SPATA17: variants seen among roughly 807,000 people sequenced by gnomAD.
SPATA17 encodes spermatogenesis-associated protein 17.
Under a neutral mutation model 62.2 loss-of-function variants are expected in SPATA17, and 53 were observed. The ratio of observed to expected loss-of-function variants is 0.85; its 90% CI spans 0.68 to 1.07. The LOEUF (loss-of-function observed/expected upper bound fraction) is 1.07. Among genes scored for constraint, SPATA17 ranks in the 50% least tolerant of loss-of-function variants. The probability of loss-of-function intolerance (pLI) is 0.00; values close to 1 mark genes in which losing one functional copy is unlikely to be tolerated. For missense variants in SPATA17, 466 were observed against 425.5 expected (o/e 1.10, Z -0.84); for synonymous variants, 146 against 146.8 (o/e 0.99, Z 0.04).
At chr1:217,821,352 G>A (rs1357040269) in intron 9 of SPATA17, among the ~76,000 whole-genome samples, 1 of 152,078 alleles carries the variant, frequency 6.6e-6, no homozygotes, top group Non-Finnish European at 1.5e-5. Context: ...TGTAAAGGAG[G>A]CAGGTAAATG....
At chr1:217,732,777 A>G (rs958581301) in intron 5 of SPATA17, among the ~76,000 whole-genome samples, 3 of 148,452 alleles carry the variant, frequency 2.0e-5, no homozygotes, top group Non-Finnish European at 4.5e-5. Flanking sequence ...ATCTGAAAGC[A>G]TTTGGAGCCC....
chr1:217,654,162 A>T (rs1670382515), intron 3 of SPATA17, among the ~76,000 whole-genome samples: 1 of 150,362 alleles, frequency 6.7e-6, no homozygotes, highest in Non-Finnish European at 1.5e-5. Flanking sequence ...TTTGGAGACA[A>T]AGTCTTGCTC....
chr1:217,780,378 C>T (rs375711789), intron 7 of SPATA17, among the ~76,000 whole-genome samples: 73 of 152,216 alleles, frequency 4.8e-4, no homozygotes, highest in African/African-American at 1.6e-3. Context: ...GGGGCATGGA[C>T]ATGACTGCAC....
chr1:217,737,188 G>A (rs1672528808), intron 5 of SPATA17, among the ~76,000 whole-genome samples: 1 of 152,150 alleles, frequency 6.6e-6, no homozygotes. Context: ...TTTAATCTCT[G>A]TGAGTATCAT....
chr1:217,753,684 A>G (rs1318055736), intron 6 of SPATA17, among the ~76,000 whole-genome samples: 1 of 151,968 alleles, frequency 6.6e-6, no homozygotes, highest in Admixed American at 6.6e-5. Context: ...TATACATGTT[A>G]TGTATGTATA....
At chr1:217,836,279 T>C (rs1216587796) in intron 9 of SPATA17, among the ~76,000 whole-genome samples, 1 of 152,176 alleles carries the variant, frequency 6.6e-6, no homozygotes, top group Non-Finnish European at 1.5e-5. Flanking sequence ...GCAGATACTC[T>C]ACTTGGATAT....
chr1:217,641,483 A>G (rs1038590460), intron 1 of SPATA17, among the ~76,000 whole-genome samples: 1 of 152,180 alleles, frequency 6.6e-6, no homozygotes, highest in Non-Finnish European at 1.5e-5. Context: ...ATTTTTAAAT[A>G]GCTATTTAAA....
chr1:217,755,452 A>G (rs573850872), intron 6 of SPATA17, among the ~76,000 whole-genome samples: 7 of 152,184 alleles, frequency 4.6e-5, no homozygotes, highest in African/African-American at 1.7e-4. Context: ...AATAAGCTGC[A>G]TATCTCAGTA....
At chr1:217,717,485 C>T (rs948506249) in intron 5 of SPATA17, among the ~76,000 whole-genome samples, 9 of 152,014 alleles carry the variant, frequency 5.9e-5, no homozygotes, top group African/African-American at 1.9e-4. Context: ...GTGGTGGGCT[C>T]CTGTAGTCCC....
At chr1:217,789,768 C>T (rs1455964848) in intron 8 of SPATA17, among the ~76,000 whole-genome samples, 1 of 152,142 alleles carries the variant, frequency 6.6e-6, no homozygotes, top group Non-Finnish European at 1.5e-5. Context: ...GGTGTGGTGG[C>T]TGACACCTGT....
At chr1:217,808,448 G>A (rs1674498744) in intron 9 of SPATA17, among the ~76,000 whole-genome samples, 1 of 151,492 alleles carries the variant, frequency 6.6e-6, no homozygotes, top group Admixed American at 6.6e-5. Flanking sequence ...CACTGGAAAG[G>A]GTATGGGTTC....
chr1:217,784,245 G>T (rs1283084172), intron 8 of SPATA17, among the ~76,000 whole-genome samples: 2 of 152,044 alleles, frequency 1.3e-5, no homozygotes, highest in Admixed American at 6.6e-5. Context: ...AAGATTCATG[G>T]TTTGTTAATG....
rs1401595441 is a variant in SPATA17 at position 217,743,924 on chromosome 1, A to G, written c.519+1826A>G. 1.3e-5 allele frequency among the ~76,000 whole-genome samples: 2 copies of G among 152,038 alleles called. 1 individual carries two copies. Among genetic ancestry groups the G allele is most frequent in the Non-Finnish European group, 2.9e-5 (2 of 68,006 alleles). On this transcript the variant is annotated intron_variant, in intron 6 of 10. Coordinates refer to ENST00000366933, the MANE Select transcript of SPATA17 (RefSeq NM_138796.4). ...ATGCCTGGCCTAAAATAGTGAAATC[A>G]TATTTAACTGAACATTTGTTAATTC...
intron 5 of SPATA17, among the ~76,000 whole-genome samples, chr1:217,685,932 CTATTT>C (rs1001729871): frequency 1.4e-4 from 21 of 152,142 alleles, no homozygotes; most frequent in African/African-American, 4.6e-4. Context: ...TATACTTGTT[CTATTT>C]TATTTTTTGT....
In SPATA17 at chr1:217,774,400, G is replaced by A; in HGVS notation, c.586G>A (p.Ala196Thr). The change falls in exon 7 of 11, where the codon GCA (alanine) becomes ACA (threonine). Residue 196 changes from alanine (A) to threonine (T), a missense_variant. By Grantham distance (58) the Ala-to-Thr change is moderately conservative. Transcript: ENST00000366933. ...TCCATGGGAGCTGCAATTACAGAAG[G>A]CAAAGCCTTTAACACACCGAAGACC... ...PDPWELQLQK[A>T]KPLTHRRPKV... 1 of 1,613,972 alleles carries A rather than the reference G, an allele frequency of 6.2e-7. No individual in the cohort carries two copies. Among genetic ancestry groups the A allele is most frequent in the Non-Finnish European group, 8.5e-7 (1 of 1,179,940 alleles).
chr1:217,685,673 A>T (rs1291155246), intron 5 of SPATA17, among the ~76,000 whole-genome samples: 3 of 152,158 alleles, frequency 2.0e-5, no homozygotes, highest in Non-Finnish European at 2.9e-5. Flanking sequence ...TTATTTTAGG[A>T]ATACATCTAA....
In SPATA17 at chr1:217,742,055, AT is replaced by A; in HGVS notation, c.478del (p.Tyr160ThrfsTer40). Reference sequence around the variant, plus strand: ...CTCGAAAGGGAAGAGAAGAAAAGAGATTACCAAGCCCGAAAGATGCATTACC... The same window carrying A: ...CTCGAAAGGGAAGAGAAGAAAAGAGATACCAAGCCCGAAAGATGCATTACC... ...ANLEREEKKR[D>X]YQARKMHYLL... On this transcript the variant is annotated frameshift_variant, in exon 6 of 11. Coordinates refer to ENST00000366933, the MANE Select transcript of SPATA17 (RefSeq NM_138796.4). LOFTEE classifies it high-confidence loss of function. 1 of 1,614,150 alleles carries A rather than the reference AT, an allele frequency of 6.2e-7. No homozygotes were observed. The highest frequency in any genetic ancestry group is 8.5e-7 in the Non-Finnish European group (1 of 1,180,010).
chr1:217,719,108 C>T (rs1396532124), intron 5 of SPATA17, among the ~76,000 whole-genome samples: 2 of 152,338 alleles, frequency 1.3e-5, no homozygotes, highest in African/African-American at 4.8e-5. Context: ...CAATAGGCCC[C>T]TAGTGGGCTA....
intron 5 of SPATA17, among the ~76,000 whole-genome samples, chr1:217,740,557 G>C (rs1672605427): frequency 1.3e-5 from 2 of 152,012 alleles, no homozygotes; most frequent in African/African-American, 4.8e-5. Flanking sequence ...AGGTTTGTTT[G>C]GTACAGAACA....
Sources: gnomAD v4.1 joint callset for allele counts (sites outside exome capture counted in the v4.1 genomes callset) on GRCh38, gnomAD v4.1.1 for gene constraint, MANE v1.5 for transcripts, NCBI Gene and HGNC (gene_info 2026-07-23, HGNC 2026-07-21) for gene names.